Variants in GRIP1 observed in about 807,000 individuals in gnomAD.
GRIP1 encodes the protein glutamate receptor interacting protein 1.
In GRIP1, 45 loss-of-function variants were observed where a neutral mutation model predicts 129.9. The ratio of observed to expected loss-of-function variants is 0.35; its 90% CI spans 0.27 to 0.44. The LOEUF (loss-of-function observed/expected upper bound fraction) is 0.44, where lower values mean the gene tolerates loss of function less well. Among genes scored for constraint, GRIP1 ranks in the 20% least tolerant of loss-of-function variants. GRIP1 has a pLI of 1.00. For synonymous variants in GRIP1, 530 were observed against 520.8 expected (o/e 1.02, Z -0.24); for missense variants, 1,196 against 1,396.8 (o/e 0.86, Z 2.29).
intron 1 of GRIP1, among the ~76,000 whole-genome samples, chr12:66,916,295 G>A (rs2041120492): frequency 2.0e-5 from 3 of 152,184 alleles, no homozygotes; most frequent in Non-Finnish European, 4.4e-5. Flanking sequence ...TGAGGCTGGA[G>A]TACAGCAGGA....
Position 66,852,516 on chromosome 12 carries a change from GTGTATATATGTATA to G in GRIP1, c.58+216520_58+216533del, listed in dbSNP as rs1186522082. 1.1e-3 allele frequency among the ~76,000 whole-genome samples: 170 copies of G among 148,408 alleles called. 1 individual carries two copies. The highest frequency in any genetic ancestry group is 4.1e-3 in the African/African-American group (167 of 40,746). On this transcript the variant is annotated intron_variant, in intron 1 of 1. Coordinates refer to the GRIP1 transcript ENST00000643019. The stretch of plus-strand genomic sequence containing the variant: ...TGTGTATATATACACACATATATAT[GTGTATATATGTATA>G]TGTATATATGTATATATGTATATGT...
intron 1 of GRIP1, among the ~76,000 whole-genome samples, chr12:66,767,873 A>G (rs1236132626): frequency 6.6e-6 from 1 of 152,220 alleles, no homozygotes; most frequent in Non-Finnish European, 1.5e-5. Context: ...CCCCTTTTGA[A>G]CAACGTGAAG....
intron 1 of GRIP1, chr12:67,035,674 G>C (rs1307902805): frequency 6.6e-6 from 1 of 151,928 alleles, no homozygotes; most frequent in Non-Finnish European, 1.5e-5. Context: ...CTGCCAAGAA[G>C]ACATCAAAAA....
chr12:66,414,938 A>AT (rs1305899775), intron 15 of GRIP1, among the ~76,000 whole-genome samples: 2 of 59,460 alleles, frequency 3.4e-5, no homozygotes, highest in Non-Finnish European at 7.2e-5. Context: ...CTTATATAAA[A>AT]TAAAATAAAA....
At chr12:66,741,020 C>T (rs1430373684) in intron 1 of GRIP1, among the ~76,000 whole-genome samples, 1 of 152,100 alleles carries the variant, frequency 6.6e-6, no homozygotes, top group Non-Finnish European at 1.5e-5. Flanking sequence ...CCAATTTGAC[C>T]AAGGCTCCTT....
chr12:66,624,850 C>G (rs2065418930), intron 1 of GRIP1, among the ~76,000 whole-genome samples: 1 of 152,132 alleles, frequency 6.6e-6, no homozygotes, highest in Non-Finnish European at 1.5e-5. Flanking sequence ...GTTCCAGAGA[C>G]TGTAATATTT....
intron 1 of GRIP1, among the ~76,000 whole-genome samples, chr12:66,663,412 C>T (rs1314398781): frequency 1.3e-5 from 2 of 152,144 alleles, no homozygotes; most frequent in Non-Finnish European, 2.9e-5. Flanking sequence ...AGGTCATCTA[C>T]CTCTTTCACC....
intron 1 of GRIP1, among the ~76,000 whole-genome samples, chr12:66,658,935 C>A (rs1311924341): frequency 1.3e-5 from 2 of 149,616 alleles, no homozygotes; most frequent in African/African-American, 5.0e-5. Context: ...AAAAAAAAAA[C>A]AAAATAAAAC....
chr12:66,823,382 A>G (rs2039354494), intron 1 of GRIP1, among the ~76,000 whole-genome samples: 1 of 152,134 alleles, frequency 6.6e-6, no homozygotes, highest in South Asian at 2.1e-4. Context: ...TTCCTTGAGG[A>G]TAGAGATCTC....
At chr12:66,768,889 ACT>A (rs2037729315) in intron 1 of GRIP1, among the ~76,000 whole-genome samples, 2 of 151,922 alleles carry the variant, frequency 1.3e-5, no homozygotes, top group African/African-American at 2.4e-5. Context: ...CTCCAGATCA[ACT>A]CTGTCAGAAT....
chr12:66,992,219 C>G (rs549539509), intron 1 of GRIP1, among the ~76,000 whole-genome samples: 1 of 152,120 alleles, frequency 6.6e-6, no homozygotes, highest in South Asian at 2.1e-4. Context: ...GTGAATTTAT[C>G]CTCCATGTGC....
At chr12:66,412,904 G>T (rs1041665241) in intron 15 of GRIP1, among the ~76,000 whole-genome samples, 1 of 152,070 alleles carries the variant, frequency 6.6e-6, no homozygotes, top group Non-Finnish European at 1.5e-5. Flanking sequence ...AACAAGAAGA[G>T]CTAAGTATCC....
In GRIP1 at chr12:66,768,898, G is replaced by GAC. The variant is rs916555844; in HGVS notation, c.-420+35154_-420+35155insGT. 3.6e-4 allele frequency among the ~76,000 whole-genome samples: 55 copies of GAC among 152,252 alleles called. 1 individual carries two copies. Among genetic ancestry groups the GAC allele is most frequent in the Non-Finnish European group, 1.9e-4 (13 of 68,024 alleles). ...CCCACACTCCAGATCAACTCTGTCA[G>GAC]AATCTCTGGGCATGTGACCCAGTGT... On this transcript the variant is annotated intron_variant, in intron 1 of 4. Coordinates refer to the GRIP1 transcript ENST00000538373.
chr12:66,852,272 T>C (rs1035859021), intron 1 of GRIP1, among the ~76,000 whole-genome samples: 17 of 152,130 alleles, frequency 1.1e-4, no homozygotes, highest in African/African-American at 3.6e-4. Flanking sequence ...CTTTCCAAAA[T>C]TGCATGATTT....
chr12:67,037,912 A>G (rs888129802), intron 1 of GRIP1, among the ~76,000 whole-genome samples: 1 of 152,208 alleles, frequency 6.6e-6, no homozygotes, highest in African/African-American at 2.4e-5. Context: ...AAAACTTTTA[A>G]TCCCAGGGAG....
chr12:66,765,073 G>C (rs1243011351), intron 1 of GRIP1, among the ~76,000 whole-genome samples: 6 of 152,136 alleles, frequency 3.9e-5, no homozygotes, highest in African/African-American at 1.4e-4. Flanking sequence ...AGCTTCAACA[G>C]AGTGCAGAAC....
intron 9 of GRIP1, among the ~76,000 whole-genome samples, chr12:66,460,172 C>A (rs1240468536): frequency 3.3e-5 from 5 of 152,134 alleles, no homozygotes; most frequent in African/African-American, 1.2e-4. Context: ...ATCCTAAAGT[C>A]CCCGCTTCAA....
intron 1 of GRIP1, among the ~76,000 whole-genome samples, chr12:66,955,462 CTT>C (rs1355938044): frequency 6.7e-6 from 1 of 150,246 alleles, no homozygotes; most frequent in East Asian, 1.9e-4. Flanking sequence ...CCAACTGAAA[CTT>C]ATAAACAAAA....
At chr12:66,715,348 C>A (rs2035843993) in intron 1 of GRIP1, among the ~76,000 whole-genome samples, 1 of 151,912 alleles carries the variant, frequency 6.6e-6, no homozygotes, top group Non-Finnish European at 1.5e-5. Flanking sequence ...GTCCCTACAA[C>A]CCTGTGAGGA....
Sources: gnomAD v4.1 joint callset for allele counts (sites outside exome capture counted in the v4.1 genomes callset) on GRCh38, gnomAD v4.1.1 for gene constraint, MANE v1.5 for transcripts, NCBI Gene and HGNC (gene_info 2026-07-23, HGNC 2026-07-21) for gene names.